The following RAI1 variants were observed in gnomAD, a reference collection of about 807,000 sequenced individuals.
RAI1 encodes retinoic acid-induced protein 1.
In RAI1, 9 loss-of-function variants were observed where a neutral mutation model predicts 123.8. That is an observed-to-expected ratio of 0.07 (90% CI 0.04 to 0.13). The LOEUF (loss-of-function observed/expected upper bound fraction) is 0.13, where lower values mean the gene tolerates loss of function less well. RAI1 is among the 10% of genes least tolerant of loss of function. The pLI, the probability that RAI1 is intolerant of heterozygous loss-of-function variation, is 1.00. For synonymous variants in RAI1, 1,231 were observed against 1,127.3 expected (o/e 1.09, Z -1.84); for missense variants, 2,256 against 2,545.8 (o/e 0.89, Z 2.45).
intron 1 of RAI1, among the ~76,000 whole-genome samples, chr17:17,686,333 G>A (rs911045800): frequency 6.6e-6 from 1 of 151,974 alleles, no homozygotes; most frequent in Non-Finnish European, 1.5e-5. Flanking sequence ...CGGGGGGCAG[G>A]GGGAGGTGGC....
At position 17,797,685 on chromosome 17, in the gene RAI1, C is replaced by T; in HGVS notation, c.4737C>T (p.Tyr1579=). The part of the protein sequence containing the change: ...DPAEPEIRLK[Y]ISSCKRLRSD... Reference sequence around the variant, plus strand: ...CAGAGCCTGAAATCCGCCTCAAGTACATTTCCTCTTGCAAGCGGCTGAGGT... The same window carrying T: ...CAGAGCCTGAAATCCGCCTCAAGTATATTTCCTCTTGCAAGCGGCTGAGGT... The change falls in exon 3 of 6, where the codon TAC becomes TAT. Residue 1579 remains tyrosine, a synonymous_variant. Transcript: ENST00000353383. The T allele has an allele frequency of 6.2e-7, 1 of 1,613,650 alleles. No individual in the cohort carries two copies. The highest frequency in any genetic ancestry group is 8.5e-7 in the Non-Finnish European group (1 of 1,179,792).
At chr17:17,709,268 C>G (rs960045576) in intron 1 of RAI1, among the ~76,000 whole-genome samples, 3 of 152,192 alleles carry the variant, frequency 2.0e-5, no homozygotes, top group African/African-American at 7.2e-5. Flanking sequence ...CTGGAGCTGG[C>G]TGGGCTCTGG....
intron 2 of RAI1, among the ~76,000 whole-genome samples, chr17:17,761,115 C>T (rs1252236222): frequency 6.6e-6 from 1 of 152,226 alleles, no homozygotes; most frequent in African/African-American, 2.4e-5. Context: ...TCAGAGTCCT[C>T]ATCTTTACAG....
chr17:17,810,013 G>GAGCCCGCCTGCC lies in RAI1; in HGVS notation c.*33_*44dup. The GAGCCCGCCTGCC allele has an allele frequency of 6.5e-7, 1 of 1,544,230 alleles. No individual in the cohort carries two copies. Among genetic ancestry groups the GAGCCCGCCTGCC allele is most frequent in the Non-Finnish European group, 8.7e-7 (1 of 1,145,132 alleles). On this transcript the variant is annotated 3_prime_UTR_variant, in exon 6 of 6. Coordinates refer to ENST00000353383, the MANE Select transcript of RAI1 (RefSeq NM_030665.4). The surrounding 1 kb of genome is among the most constrained non-coding windows in gnomAD (Gnocchi z 4.6). The stretch of plus-strand genomic sequence containing the variant: ...ACCCCAACGGCCGGAGGAGCCGCCG[G>GAGCCCGCCTGCC]AGCCCGCCTGCCCGCCCGCCGCCGA...
chr17:17,695,531 C>CT (rs10692662), intron 1 of RAI1, among the ~76,000 whole-genome samples: 56,086 of 145,362 alleles, frequency 0.39, 11,440 homozygotes, highest in Middle Eastern at 0.5. Flanking sequence ...TTCTCTCTCT[C>CT]TTTTTTTTTT....
rs140500933 is a variant in RAI1, at chr17:17,796,605, C to T, written c.3657C>T (p.Leu1219=). Residue 1219 remains leucine, a synonymous_variant, in exon 3 of 6, where the codon CTC becomes CTT. Coordinates refer to ENST00000353383, the MANE Select transcript of RAI1 (RefSeq NM_030665.4). The surrounding 1 kb of genome is among the most constrained non-coding windows in gnomAD (Gnocchi z 5.8). Reference sequence around the variant, plus strand: ...GCAGCAAGCTCTCTGACCGGCCCCTCCATGCGCTCAAAAGGAAGTCGGCCT... The same window carrying T: ...GCAGCAAGCTCTCTGACCGGCCCCTTCATGCGCTCAAAAGGAAGTCGGCCT... ...GAGSKLSDRP[L]HALKRKSAFM... 3.1e-6 allele frequency: 5 copies of T among 1,612,150 alleles called. No individual in the cohort carries two copies. The African/African-American group carries it at 5.3e-5, about 17-fold the overall frequency.
intron 1 of RAI1, among the ~76,000 whole-genome samples, chr17:17,723,589 C>G (rs1309159154): frequency 6.6e-6 from 1 of 150,396 alleles, no homozygotes; most frequent in African/African-American, 2.4e-5. Flanking sequence ...CGGGTGACCC[C>G]GAGGCCCCGC....
chr17:17,747,823 G>A (rs1028538522), intron 2 of RAI1, among the ~76,000 whole-genome samples: 2 of 152,202 alleles, frequency 1.3e-5, no homozygotes, highest in African/African-American at 2.4e-5. Context: ...CCAGTGCTTT[G>A]GGAGGTAGAA....
chr17:17,794,733 G>A lies in RAI1; in HGVS notation c.1785G>A (p.Pro595=), dbSNP rs112693195. 3.0e-5 allele frequency: 49 copies of A among 1,611,776 alleles called. 1 individual carries two copies. The African/African-American group carries it at 3.7e-4, about 12-fold the overall frequency. Residue 595 remains proline (P), a synonymous_variant, in exon 3 of 6, where the codon CCG becomes CCA. Transcript: ENST00000353383. ...SKFVAGERDC[P]RLLLSALAQE... ...TCGTGGCGGGTGAGCGGGACTGTCC[G>A]CGGCTGCTGCTCAGCGCCCTGGCAC...
chr17:17,707,213 G>A (rs1915420527), intron 1 of RAI1, among the ~76,000 whole-genome samples: 1 of 152,228 alleles, frequency 6.6e-6, no homozygotes, highest in South Asian at 2.1e-4. Flanking sequence ...AGGAGGCTGA[G>A]GTGGGAAGAT....
At chr17:17,708,266 G>A (rs1035678802) in intron 1 of RAI1, among the ~76,000 whole-genome samples, 1 of 152,146 alleles carries the variant, frequency 6.6e-6, no homozygotes, top group Non-Finnish European at 1.5e-5. Context: ...CCCTCCCCAG[G>A]AGGAGACCCC....
chr17:17,772,971 G>A (rs1244851862), intron 2 of RAI1, among the ~76,000 whole-genome samples: 1 of 151,252 alleles, frequency 6.6e-6, no homozygotes, highest in Non-Finnish European at 1.5e-5. Context: ...TGGATGGATG[G>A]GTGGGTGATT....
intron 2 of RAI1, among the ~76,000 whole-genome samples, chr17:17,738,748 G>A (rs906800760): frequency 6.6e-6 from 1 of 152,226 alleles, no homozygotes; most frequent in Non-Finnish European, 1.5e-5. Context: ...CTGATGGGCT[G>A]CAGAGGGCCA....
chr17:17,744,651 G>A (rs1745299858), intron 2 of RAI1, among the ~76,000 whole-genome samples: 2 of 151,880 alleles, frequency 1.3e-5, no homozygotes, highest in African/African-American at 2.4e-5. Context: ...TTAGCCGGGC[G>A]TGATGGTGCG....
chr17:17,803,866 G>A lies in RAI1; in HGVS notation c.5659+17G>A. 1 of 1,608,680 alleles carries A rather than the reference G, an allele frequency of 6.2e-7. No homozygotes were observed. The highest frequency in any genetic ancestry group is 8.5e-7 in the Non-Finnish European group (1 of 1,175,774). On this transcript the variant is annotated intron_variant, in intron 4 of 5. Transcript: ENST00000353383. Reference sequence around the variant, plus strand: ...GCGATGCAGGTACGAGCCCGCCCAGGAACAGGAGGGCATTGGAGCCCATCC... The same window carrying A: ...GCGATGCAGGTACGAGCCCGCCCAGAAACAGGAGGGCATTGGAGCCCATCC...
chr17:17,696,171 A>G (rs867652147), intron 1 of RAI1, among the ~76,000 whole-genome samples: 7 of 152,352 alleles, frequency 4.6e-5, no homozygotes, highest in Middle Eastern at 3.4e-3. Context: ...CCAGCAGTAT[A>G]TAACTACTGT....
Position 17,810,506 on chromosome 17 carries a change from A to G in RAI1, c.*525A>G. 7.5e-6 allele frequency: 2 copies of G among 266,418 alleles called. No homozygotes were observed. The highest frequency in any genetic ancestry group is 1.5e-5 in the Non-Finnish European group (2 of 133,114). 16.5% of individuals were successfully genotyped at this position (266,418 alleles called of 1,614,324 possible). On this transcript the variant is annotated 3_prime_UTR_variant, in exon 6 of 6. Coordinates refer to ENST00000353383, the MANE Select transcript of RAI1 (RefSeq NM_030665.4). This position sits in a 1 kb window ranked among gnomAD's most constrained non-coding sequence, Gnocchi z 4.6. ...GCTCCGTGGACTAGGCGGGGGAGAAAGGAAGCCTTTCTGAGAGCGGGCTAG... is the reference window on the plus strand; with the variant it reads ...GCTCCGTGGACTAGGCGGGGGAGAAGGGAAGCCTTTCTGAGAGCGGGCTAG...
chr17:17,768,519 G>A (rs748272617), intron 2 of RAI1, among the ~76,000 whole-genome samples: 40 of 152,202 alleles, frequency 2.6e-4, no homozygotes, highest in South Asian at 6.2e-4. Flanking sequence ...GTACCCCAGC[G>A]AGGCCAGGTG....
chr17:17,765,722 C>T (rs2030899961), intron 2 of RAI1: 1 of 152,272 alleles, frequency 6.6e-6, no homozygotes, highest in Non-Finnish European at 1.5e-5. Flanking sequence ...GCCCTGGGGC[C>T]TCGGGCTGGG....
Sources: gnomAD v4.1 joint callset for allele counts (sites outside exome capture counted in the v4.1 genomes callset) on GRCh38, gnomAD v4.1.1 for gene constraint, Gnocchi (gnomAD v3.1) non-coding constraint, MANE v1.5 for transcripts, NCBI Gene and HGNC (gene_info 2026-07-23, HGNC 2026-07-21) for gene names.